The following MYH11 variants were observed in gnomAD, a reference collection of about 807,000 sequenced individuals.
The protein encoded by MYH11 is myosin-11.
MYH11 carries 80 observed loss-of-function variants against 246.6 expected under a neutral mutation model. That is an observed-to-expected ratio of 0.32 (90% confidence interval 0.27 to 0.39). The LOEUF is 0.39. Among genes scored for constraint, MYH11 ranks in the 10% least tolerant of loss-of-function variants. The pLI is 1.00. For synonymous variants in MYH11, 1,071 were observed against 1,015.5 expected (o/e 1.05, Z -1.04); for missense variants, 2,158 against 2,546.8 (o/e 0.85, Z 3.29).
chr16:15,814,905 A>G (rs962207820), intron 3 of MYH11, among the ~76,000 whole-genome samples: 2 of 148,842 alleles, frequency 1.3e-5, no homozygotes, highest in African/African-American at 4.9e-5. Context: ...ATACTGAAAG[A>G]AGGAAGGTAT....
intron 9 of MYH11, among the ~76,000 whole-genome samples, chr16:15,770,116 A>C (rs1368122160): frequency 1.3e-5 from 2 of 152,202 alleles, no homozygotes; most frequent in African/African-American, 4.8e-5. Context: ...CCCTGTCCCA[A>C]ATGAAATGAA....
intron 3 of MYH11, among the ~76,000 whole-genome samples, chr16:15,799,481 T>C (rs1399694914): frequency 6.6e-6 from 1 of 152,130 alleles, no homozygotes; most frequent in East Asian, 1.9e-4. Flanking sequence ...TACAAATCCC[T>C]TTCCTCTACT....
At chr16:15,763,969 C>G (rs1310801939) in intron 9 of MYH11, 78 bp from the exon 10 acceptor site, 1 of 1,127,054 alleles carries the variant, frequency 8.9e-7, no homozygotes, top group South Asian at 1.2e-5. Context: ...CCTAAAGCCA[C>G]TGGGGACCCA....
chr16:15,734,517 CTT>C (rs1418727001), intron 26 of MYH11, among the ~76,000 whole-genome samples: 1 of 152,178 alleles, frequency 6.6e-6, no homozygotes, highest in East Asian at 1.9e-4. Flanking sequence ...CCAGGCTGGT[CTT>C]GAACTCCTGA....
At chr16:15,816,664 CA>C (rs1316827069) in intron 3 of MYH11, among the ~76,000 whole-genome samples, 2 of 151,766 alleles carry the variant, frequency 1.3e-5, no homozygotes, top group African/African-American at 4.8e-5. Flanking sequence ...GGGGCAAATC[CA>C]GAGGGTGAAT....
At chr16:15,770,507 G>T (rs2042076460) in intron 9 of MYH11, among the ~76,000 whole-genome samples, 2 of 152,258 alleles carry the variant, frequency 1.3e-5, no homozygotes, top group Non-Finnish European at 1.5e-5. Flanking sequence ...AAGACCCAGT[G>T]TGTTTCTTGG....
At chr16:15,829,453 G>A (rs1244948992) in intron 2 of MYH11, among the ~76,000 whole-genome samples, 3 of 152,118 alleles carry the variant, frequency 2.0e-5, no homozygotes, top group Non-Finnish European at 2.9e-5. Context: ...CACATCTCAC[G>A]GCAGGGTCGT....
chr16:15,848,570 C>T (rs1184429518), intron 1 of MYH11, among the ~76,000 whole-genome samples: 1 of 152,084 alleles, frequency 6.6e-6, no homozygotes, highest in Non-Finnish European at 1.5e-5. Flanking sequence ...CTGCGTCATT[C>T]TGTGTCGTGA....
intron 8 of MYH11, among the ~76,000 whole-genome samples, chr16:15,772,860 G>A (rs770611386): frequency 3.9e-5 from 6 of 152,124 alleles, no homozygotes; most frequent in Non-Finnish European, 7.3e-5. Context: ...AAACCCTATC[G>A]TGAGCTGCAC....
intron 4 of MYH11, chr16:15,791,456 C>T (rs1413389749): frequency 6.6e-6 from 1 of 152,170 alleles, no homozygotes; most frequent in African/African-American, 2.4e-5. Flanking sequence ...ACAACTCCTA[C>T]ACGTCCTGCA....
intron 3 of MYH11, among the ~76,000 whole-genome samples, chr16:15,822,107 G>C (rs2043429827): frequency 6.6e-6 from 1 of 152,148 alleles, no homozygotes; most frequent in Admixed American, 6.6e-5. Flanking sequence ...CAGAAAGTTG[G>C]GGCACTTATA....
intron 14 of MYH11, 33 bp downstream of exon 14, chr16:15,756,308 G>C (rs1262578980): frequency 6.2e-7 from 1 of 1,611,890 alleles, no homozygotes; most frequent in Non-Finnish European, 8.5e-7. Flanking sequence ...GGGGTCCCCT[G>C]AGACAGAGTC....
intron 14 of MYH11, among the ~76,000 whole-genome samples, chr16:15,754,900 G>C (rs2041670999): frequency 6.6e-6 from 1 of 152,142 alleles, no homozygotes; most frequent in Non-Finnish European, 1.5e-5. Context: ...TGGCCAGGCT[G>C]GTCTCAAACT....
intron 2 of MYH11, among the ~76,000 whole-genome samples, chr16:15,832,941 A>ATTTTT (rs2043779745): frequency 1.2e-5 from 1 of 86,190 alleles, no homozygotes; most frequent in Non-Finnish European, 2.3e-5. Flanking sequence ...CAGCAACCTC[A>ATTTTT]TCTTTTTTTT....
chr16:15,776,563 ATGAT>A (rs1222794133), intron 7 of MYH11, among the ~76,000 whole-genome samples: 1 of 152,196 alleles, frequency 6.6e-6, no homozygotes, highest in Non-Finnish European at 1.5e-5. Flanking sequence ...CCTGTGTGAA[ATGAT>A]TGATATAAAT....
intron 10 of MYH11, among the ~76,000 whole-genome samples, chr16:15,761,814 A>C (rs944895360): frequency 5.9e-5 from 9 of 152,156 alleles, no homozygotes; most frequent in Non-Finnish European, 1.2e-4. Context: ...GGACTCTAAT[A>C]CATAACAAAC....
At chr16:15,774,107 G>A (rs2050091055) in intron 8 of MYH11, among the ~76,000 whole-genome samples, 1 of 152,174 alleles carries the variant, frequency 6.6e-6, no homozygotes, top group Admixed American at 6.5e-5. Flanking sequence ...GAAGCTGCTT[G>A]ATAAACTCGA....
chr16:15,721,695 TAA>T lies in MYH11; in HGVS notation c.4366-63_4366-62del, dbSNP rs371793842. On this transcript the variant is annotated intron_variant, in intron 31 of 40. Coordinates refer to ENST00000300036, the MANE Select transcript of MYH11 (RefSeq NM_002474.3). ...ATCCGGGGTCAGCGTCACTGAATTG[TAA>T]ATACCGGGGGAAGCCCTGTGTCCTG... is the stretch of plus-strand genomic sequence containing the variant. 3,048 of 1,568,854 alleles carry T rather than the reference TAA, an allele frequency of 1.9e-3. 4 individuals carry two copies. The highest frequency in any genetic ancestry group is 2.2e-3 in the African/African-American group (166 of 74,030).
At chr16:15,707,382 C>T (rs1041725521) in intron 40 of MYH11, among the ~76,000 whole-genome samples, 1 of 152,162 alleles carries the variant, frequency 6.6e-6, no homozygotes, top group East Asian at 1.9e-4. Context: ...CGGGAATCAT[C>T]TTGAGTGTAA....
Sources: gnomAD v4.1 joint callset for allele counts (sites outside exome capture counted in the v4.1 genomes callset) on GRCh38, gnomAD v4.1.1 for gene constraint, MANE v1.5 for transcripts, NCBI Gene and HGNC (gene_info 2026-07-23, HGNC 2026-07-21) for gene names.